Variants in PARD3 observed in about 807,000 individuals in gnomAD.
PARD3 encodes partitioning defective 3 homolog.
A neutral mutation model predicts 155.4 loss-of-function variants in PARD3; 75 were observed. The observed-to-expected ratio is 0.48, with a 90% CI of 0.40 to 0.58. PARD3 has a LOEUF of 0.58. PARD3 is among the 20% of genes least tolerant of loss of function. The pLI, the probability that PARD3 is intolerant of heterozygous loss-of-function variation, is 0.00. For missense variants in PARD3, 1,642 were observed against 1,721.7 expected (o/e 0.95, Z 0.82); for synonymous variants, 576 against 610.5 (o/e 0.94, Z 0.83).
intron 20 of PARD3, among the ~76,000 whole-genome samples, chr10:34,302,031 A>C (rs1464539488): frequency 6.6e-6 from 1 of 151,718 alleles, no homozygotes; most frequent in African/African-American, 2.4e-5. Context: ...AATTTTCTAA[A>C]CACTGTAAAC....
At chr10:34,446,243 TAC>T (rs1184979654) in intron 5 of PARD3, among the ~76,000 whole-genome samples, 1 of 152,154 alleles carries the variant, frequency 6.6e-6, no homozygotes, top group Admixed American at 6.6e-5. Flanking sequence ...GTTGCTAAGC[TAC>T]AGAGTTAACT....
At chr10:34,372,404 A>C (rs914680946) in intron 12 of PARD3, 94 bp downstream of exon 12, 30 of 955,998 alleles carry the variant, frequency 3.1e-5, no homozygotes, top group Non-Finnish European at 4.9e-5. Context: ...AGCCAGGAAA[A>C]GGCAGGACAA....
At chr10:34,267,502 C>T (rs1955380827) in intron 22 of PARD3, among the ~76,000 whole-genome samples, 1 of 152,076 alleles carries the variant, frequency 6.6e-6, no homozygotes, top group South Asian at 2.1e-4. Flanking sequence ...AACCTAAAAC[C>T]CAACAAAAGC....
chr10:34,341,943 CA>C, intron 15 of PARD3, 127 bp from the exon 16 acceptor site: 1 of 566,486 alleles, frequency 1.8e-6, no homozygotes, highest in South Asian at 2.6e-5. Context: ...CCTGGTAGAA[CA>C]AAACAGAATT....
At chr10:34,210,144 A>G (rs932931008) in intron 22 of PARD3, among the ~76,000 whole-genome samples, 2 of 152,182 alleles carry the variant, frequency 1.3e-5, no homozygotes, top group Non-Finnish European at 2.9e-5. Flanking sequence ...TTCCCAACAT[A>G]TAACATATAA....
rs117543243 is a variant in PARD3 at position 34,809,365 on chromosome 10, G to C, written c.120+5511C>G. ...TCACCCGGAGGGAGGAAGGGCGCACGGATACACTTGAAAACCACACAGCAC... is the reference window on the plus strand; with the variant it reads ...TCACCCGGAGGGAGGAAGGGCGCACCGATACACTTGAAAACCACACAGCAC... On this transcript the variant is annotated intron_variant, in intron 1 of 24. Coordinates refer to ENST00000374788, the MANE Select transcript of PARD3 (RefSeq NM_001184785.2). Among the ~76,000 whole-genome samples the C allele has an allele frequency of 1.7e-3, 254 of 152,220 alleles. 1 individual carries two copies. Among genetic ancestry groups the C allele is most frequent in the Non-Finnish European group, 1.8e-3 (123 of 68,014 alleles).
chr10:34,696,066 A>C (rs956075669), intron 2 of PARD3, among the ~76,000 whole-genome samples: 7 of 152,212 alleles, frequency 4.6e-5, no homozygotes, highest in Non-Finnish European at 8.8e-5. Context: ...TGATATTTCC[A>C]TTGTAAAAGT....
chr10:34,258,981 A>G (rs1056874531), intron 22 of PARD3, among the ~76,000 whole-genome samples: 6 of 152,056 alleles, frequency 3.9e-5, no homozygotes, highest in Non-Finnish European at 7.4e-5. Flanking sequence ...AGGTGGGAGA[A>G]GCGCTTGGGC....
chr10:34,723,598 A>G (rs912150676), intron 1 of PARD3, among the ~76,000 whole-genome samples: 2 of 152,240 alleles, frequency 1.3e-5, no homozygotes, highest in Non-Finnish European at 2.9e-5. Context: ...ACCAAAATGT[A>G]TTAGATATCA....
At chr10:34,663,173 C>G (rs1177134295) in intron 2 of PARD3, among the ~76,000 whole-genome samples, 11 of 151,908 alleles carry the variant, frequency 7.2e-5, no homozygotes, top group Non-Finnish European at 1.3e-4. Flanking sequence ...TTTAAAATAA[C>G]TAAAAGAGGC....
chr10:34,307,091 C>T (rs892051637), intron 20 of PARD3, among the ~76,000 whole-genome samples: 8 of 152,060 alleles, frequency 5.3e-5, no homozygotes, highest in Non-Finnish European at 1.0e-4. Flanking sequence ...GGGGTTTCAC[C>T]ATGTTAGCCA....
At chr10:34,644,472 T>C (rs1339192997) in intron 2 of PARD3, among the ~76,000 whole-genome samples, 2 of 152,252 alleles carry the variant, frequency 1.3e-5, no homozygotes, top group African/African-American at 4.8e-5. Flanking sequence ...CCGGCTGACA[T>C]GGCCCAGGGC....
intron 2 of PARD3, among the ~76,000 whole-genome samples, chr10:34,531,470 C>T (rs908736305): frequency 6.6e-6 from 1 of 152,162 alleles, no homozygotes; most frequent in Non-Finnish European, 1.5e-5. Flanking sequence ...AATGACATTA[C>T]TTTTTCTCAA....
At chr10:34,761,228 T>C (rs1029541814) in intron 1 of PARD3, among the ~76,000 whole-genome samples, 4 of 151,834 alleles carry the variant, frequency 2.6e-5, no homozygotes, top group African/African-American at 7.3e-5. Context: ...CTGGCCAACA[T>C]GGTGAACTTC....
chr10:34,300,237 A>T (rs577639693), intron 20 of PARD3, among the ~76,000 whole-genome samples: 1 of 152,332 alleles, frequency 6.6e-6, no homozygotes, highest in East Asian at 1.9e-4. Context: ...GCATTCACGA[A>T]TCTTGGAAAA....
intron 7 of PARD3, among the ~76,000 whole-genome samples, chr10:34,388,568 T>C (rs1428463734): frequency 6.6e-6 from 1 of 152,202 alleles, no homozygotes; most frequent in Non-Finnish European, 1.5e-5. Flanking sequence ...CAAACTCAAC[T>C]AGAAATCAGA....
intron 24 of PARD3, among the ~76,000 whole-genome samples, chr10:34,116,712 CTTTAA>C (rs1370708684): frequency 6.6e-6 from 1 of 152,230 alleles, no homozygotes; most frequent in African/African-American, 2.4e-5. Flanking sequence ...TTACATAACT[CTTTAA>C]TTTGAGGATG....
chr10:34,497,163 A>G (rs1221892028), intron 3 of PARD3, among the ~76,000 whole-genome samples: 1 of 152,214 alleles, frequency 6.6e-6, no homozygotes, highest in Non-Finnish European at 1.5e-5. Flanking sequence ...TGGTCTTCCT[A>G]TCTGTTGGTT....
rs539646057 is a variant in PARD3, at chr10:34,452,147, G to T, written c.583-1699C>A. On this transcript the variant is annotated intron_variant, in intron 4 of 24. Coordinates refer to ENST00000374788, the MANE Select transcript of PARD3 (RefSeq NM_001184785.2). ...AAAAATAAAAATTGAGGCTATCATT[G>T]ACTAGGGACCAGGCTTTCATACTCA... Among the ~76,000 whole-genome samples, 112 of 152,236 alleles carry T rather than the reference G, an allele frequency of 7.4e-4. 1 individual carries two copies. In the South Asian group the frequency reaches 0.022, roughly 30 times the overall value.
Sources: allele counts gnomAD v4.1 joint callset (sites outside exome capture counted in the v4.1 genomes callset), GRCh38; gene constraint gnomAD v4.1.1; transcripts MANE v1.5; gene names NCBI Gene and HGNC (gene_info 2026-07-23, HGNC 2026-07-21).